SIGLEC9: variants seen among roughly 807,000 people sequenced by gnomAD.
The protein encoded by SIGLEC9 is sialic acid-binding Ig-like lectin 9.
In SIGLEC9, 26 loss-of-function variants were observed where a neutral mutation model predicts 38.3. The ratio of observed to expected loss-of-function variants is 0.68; its 90% CI spans 0.50 to 0.94. The LOEUF is 0.94. Ranked by LOEUF, SIGLEC9 falls within the 40% of genes least tolerant of loss-of-function variation. The pLI is 0.00. For synonymous variants in SIGLEC9, 236 were observed against 248.0 expected (o/e 0.95, Z 0.45); for missense variants, 556 against 585.7 (o/e 0.95, Z 0.52).
intron 5 of SIGLEC9, among the ~76,000 whole-genome samples, 166 bp from the exon 6 acceptor site, chr19:51,128,248 A>G (rs1252153116): frequency 1.3e-5 from 2 of 152,144 alleles, no homozygotes; most frequent in Non-Finnish European, 2.9e-5. Context: ...ACTGTCCAGG[A>G]GAAGAGAGCC....
At chr19:51,121,248 C>G (rs964461357), upstream of SIGLEC9, among the ~76,000 whole-genome samples, 1 of 151,796 alleles carries the variant, frequency 6.6e-6, no homozygotes. Context: ...CTATGCCTCC[C>G]GAGTTCAGGT....
At chr19:51,132,472 G>A (rs536240629), downstream of SIGLEC9, among the ~76,000 whole-genome samples, 1 of 152,328 alleles carries the variant, frequency 6.6e-6, no homozygotes, top group Non-Finnish European at 1.5e-5. Context: ...TGTGTGATAA[G>A]GAGCGCGGAA....
intron 6 of SIGLEC9, 151 bp from the exon 7 acceptor site, chr19:51,129,740 G>A (rs1391967800): frequency 3.3e-6 from 2 of 597,690 alleles, no homozygotes; most frequent in Non-Finnish European, 5.9e-6. Flanking sequence ...GTAGAGACAG[G>A]GTTTCACCAT....
chr19:51,133,008 T>C (rs1256592003), downstream of SIGLEC9, among the ~76,000 whole-genome samples: 1 of 151,630 alleles, frequency 6.6e-6, no homozygotes, highest in Non-Finnish European at 1.5e-5. Flanking sequence ...GATGAGTGTA[T>C]ATGTATGTAT....
intron 5 of SIGLEC9, 103 bp from the exon 6 acceptor site, chr19:51,128,311 G>C (rs1845591180): frequency 1.5e-6 from 2 of 1,359,920 alleles, no homozygotes; most frequent in African/African-American, 2.9e-5. Flanking sequence ...TCCCACCTCA[G>C]TCACCCCTGC....
At chr19:51,131,669 A>G (rs190637101), downstream of SIGLEC9, among the ~76,000 whole-genome samples, 1 of 151,986 alleles carries the variant, frequency 6.6e-6, no homozygotes, top group Non-Finnish European at 1.5e-5. Context: ...TCATCCCAAC[A>G]CTTTGGGAGG....
chr19:51,127,370 G>T, intron 4 of SIGLEC9, 74 bp downstream of exon 4: 1 of 1,460,948 alleles, frequency 6.8e-7, no homozygotes. Flanking sequence ...ACTGCTGAGC[G>T]TGGACCTTCA....
upstream of SIGLEC9, chr19:51,124,885 C>A: frequency 3.3e-6 from 5 of 1,501,376 alleles, no homozygotes; most frequent in Non-Finnish European, 4.5e-6. Flanking sequence ...TCCTGTAGGG[C>A]CTCCTCTAAG....
At chr19:51,131,632 C>T (rs1349886761), downstream of SIGLEC9, among the ~76,000 whole-genome samples, 1 of 150,460 alleles carries the variant, frequency 6.6e-6, no homozygotes, top group Non-Finnish European at 1.5e-5. Context: ...AAATCATATC[C>T]GAGCTGGGCG....
Position 51,127,990 on chromosome 19 carries a change from G to A in SIGLEC9, c.1057G>A (p.Ala353Thr). 6.2e-7 allele frequency: 1 copy of A among 1,614,114 alleles called. No individual in the cohort carries two copies. The highest frequency in any genetic ancestry group is 2.2e-5 in the East Asian group (1 of 44,888). Residue 353 changes from alanine to threonine, a missense_variant, in exon 5 of 7, where the codon GCT becomes ACT. Transcript: ENST00000250360. Reference sequence around the variant, plus strand: ...AGTGACTCAGGGGGTGGTCGGGGGAGCTGGAGCCACAGCCCTGGTCTTCCT... The same window carrying A: ...AGTGACTCAGGGGGTGGTCGGGGGAACTGGAGCCACAGCCCTGGTCTTCCT... ...SGVTQGVVGG[A>T]GATALVFLSF...
At chr19:51,132,213 C>G (rs2122859176), downstream of SIGLEC9, among the ~76,000 whole-genome samples, 1 of 152,308 alleles carries the variant, frequency 6.6e-6, no homozygotes, top group South Asian at 2.1e-4. Context: ...ATGCAGACTT[C>G]CTTTTGCCTT....
At chr19:51,120,240 A>G (rs1273192226), upstream of SIGLEC9, 4 of 152,384 alleles carry the variant, frequency 2.6e-5, no homozygotes, top group African/African-American at 4.8e-5. The surrounding 1 kb of genome is among the most constrained non-coding windows in gnomAD (Gnocchi z 4.1). Flanking sequence ...AGAGATGCCA[A>G]TGAGGCGGAT....
At chr19:51,132,247 A>C (rs2092020211), downstream of SIGLEC9, among the ~76,000 whole-genome samples, 1 of 152,162 alleles carries the variant, frequency 6.6e-6, no homozygotes, top group Admixed American at 6.5e-5. Flanking sequence ...AAGCTTCCTG[A>C]GACCCTCACC....
rs764048873 is a variant in SIGLEC9 at position 51,128,025 on chromosome 19, C to A, written c.1092C>A (p.Cys364Ter). 6.2e-7 allele frequency: 1 copy of A among 1,613,254 alleles called. No individual in the cohort carries two copies. The highest frequency in any genetic ancestry group is 1.1e-5 in the South Asian group (1 of 91,046). Residue 364 changes from cysteine to a stop codon, truncating the protein, a stop_gained, in exon 5 of 7, where the codon TGC (cysteine) becomes TGA (stop). Transcript: ENST00000250360. LOFTEE classifies it high-confidence loss of function. ...CAGCCCTGGTCTTCCTGTCCTTCTG[C>A]GTCATCTTCGTTGTGTAAGCATGGA... ...GATALVFLSF[C>*]VIFVVVRSCR...
chr19:51,135,863 T>G, intron 6 of SIGLEC9: 2 of 632,890 alleles, frequency 3.2e-6, no homozygotes, highest in Non-Finnish European at 5.6e-6. Context: ...TAATCTATTC[T>G]GATGTTAATA....
At chr19:51,127,424 A>G in intron 4 of SIGLEC9, 128 bp downstream of exon 4, 1 of 1,060,132 alleles carries the variant, frequency 9.4e-7, no homozygotes, top group South Asian at 1.7e-5. Flanking sequence ...TGAGGTCTGG[A>G]ACTTCCCTGG....
downstream of SIGLEC9, among the ~76,000 whole-genome samples, chr19:51,133,029 T>C (rs2092025337): frequency 6.6e-6 from 1 of 151,646 alleles, no homozygotes; most frequent in Non-Finnish European, 1.5e-5. Flanking sequence ...ATTGTAAATA[T>C]AAGTTTATAT....
In SIGLEC9 at chr19:51,130,036, A is replaced by G; in HGVS notation, c.1349A>G (p.Glu450Gly). 9 of 1,613,826 alleles carry G rather than the reference A, an allele frequency of 5.6e-6. No individual in the cohort carries two copies. Among genetic ancestry groups the G allele is most frequent in the Non-Finnish European group, 7.6e-6 (9 of 1,179,890 alleles). The change falls in exon 7 of 7, where the codon GAG (glutamate) becomes GGG (glycine). Residue 450 changes from glutamate (E) to glycine (G), a missense_variant. Coordinates refer to ENST00000250360, the MANE Select transcript of SIGLEC9 (RefSeq NM_014441.3). ...AAGCCTTGGGACTCGCGGGGACAGGAGGCCACTGACACCGAGTACTCGGAG... is the reference window on the plus strand; with the variant it reads ...AAGCCTTGGGACTCGCGGGGACAGGGGGCCACTGACACCGAGTACTCGGAG... ...MVKPWDSRGQ[E>G]ATDTEYSEIK... is the part of the protein sequence containing the mutation.
chr19:51,124,144 A>T (rs566574321), upstream of SIGLEC9, among the ~76,000 whole-genome samples: 1 of 152,198 alleles, frequency 6.6e-6, no homozygotes, highest in Non-Finnish European at 1.5e-5. Flanking sequence ...TCCCTTTTGA[A>T]ATCTGCCCCT....
Sources: gnomAD v4.1 joint callset for allele counts (sites outside exome capture counted in the v4.1 genomes callset) on GRCh38, gnomAD v4.1.1 for gene constraint, Gnocchi (gnomAD v3.1) non-coding constraint, MANE v1.5 for transcripts, NCBI Gene and HGNC (gene_info 2026-07-23, HGNC 2026-07-21) for gene names.